The following DOCK8 variants were observed in gnomAD, a reference collection of about 807,000 sequenced individuals.
DOCK8 encodes dedicator of cytokinesis 8, also known as dedicator of cytokinesis protein 8.
DOCK8 carries 141 observed loss-of-function variants against 245.6 expected under a neutral mutation model. The observed-to-expected ratio is 0.57, with a 90% CI of 0.50 to 0.66. The LOEUF (loss-of-function observed/expected upper bound fraction) is 0.66, where lower values mean the gene tolerates loss of function less well. DOCK8 is among the 30% of genes least tolerant of loss of function. The pLI is 0.00. For synonymous variants in DOCK8, 1,168 were observed against 970.2 expected (o/e 1.20, Z -3.79); for missense variants, 2,965 against 2,603.4 (o/e 1.14, Z -3.02).
chr9:274,365 C>A (rs1006530505), intron 2 of DOCK8, among the ~76,000 whole-genome samples: 14 of 152,106 alleles, frequency 9.2e-5, no homozygotes, highest in Admixed American at 9.2e-4. Flanking sequence ...CTTTACTTTT[C>A]TGAATCTCTT....
At chr9:424,793 C>G (rs2056420052) in intron 33 of DOCK8, among the ~76,000 whole-genome samples, 1 of 152,170 alleles carries the variant, frequency 6.6e-6, no homozygotes, top group Non-Finnish European at 1.5e-5. Context: ...GAACTGTATA[C>G]TTACAAATGG....
At chr9:230,532 T>C (rs1451344528) in intron 1 of DOCK8, among the ~76,000 whole-genome samples, 2 of 152,082 alleles carry the variant, frequency 1.3e-5, no homozygotes, top group Non-Finnish European at 2.9e-5. Flanking sequence ...GTAAAAGTGT[T>C]CCTATTTCTC....
chr9:364,663 T>G (rs2052890556), intron 14 of DOCK8, among the ~76,000 whole-genome samples: 1 of 145,586 alleles, frequency 6.9e-6, no homozygotes, highest in African/African-American at 2.8e-5. Flanking sequence ...AAAAAAAGGT[T>G]TAATGTGTAG....
At chr9:343,080 G>A (rs543627526) in intron 14 of DOCK8, among the ~76,000 whole-genome samples, 4 of 152,248 alleles carry the variant, frequency 2.6e-5, no homozygotes, top group East Asian at 1.9e-4. Flanking sequence ...CCAGTATGAC[G>A]TATGTGGGAC....
intron 23 of DOCK8, among the ~76,000 whole-genome samples, chr9:390,037 G>C (rs2054119134): frequency 1.3e-5 from 2 of 151,454 alleles, no homozygotes; most frequent in African/African-American, 2.4e-5. Context: ...AAAAAAGTTT[G>C]AGAACTGCTG....
chr9:338,295 T>C (rs1586738018), intron 12 of DOCK8, among the ~76,000 whole-genome samples: 1 of 152,338 alleles, frequency 6.6e-6, no homozygotes, highest in African/African-American at 2.4e-5. Flanking sequence ...TTAAAGGGGT[T>C]ACATTAACAA....
intron 1 of DOCK8, among the ~76,000 whole-genome samples, chr9:221,560 C>T (rs2046882361): frequency 2.6e-5 from 4 of 151,232 alleles, no homozygotes; most frequent in Admixed American, 6.6e-5. Context: ...GCCTGTAATC[C>T]CAGCACTTTT....
chr9:359,409 C>A (rs541513473), intron 14 of DOCK8, among the ~76,000 whole-genome samples: 1 of 152,262 alleles, frequency 6.6e-6, no homozygotes, highest in African/African-American at 2.4e-5. Context: ...ATAGTAGTAC[C>A]TGTCATAGAT....
intron 12 of DOCK8, 102 bp from the exon 13 acceptor site, chr9:338,904 G>A (rs911618818): frequency 1.1e-6 from 1 of 902,958 alleles, no homozygotes; most frequent in African/African-American, 1.6e-5. Flanking sequence ...TGAAAGACTT[G>A]TGAGAATAAA....
chr9:453,410 A>T (rs2131897579), intron 46 of DOCK8, among the ~76,000 whole-genome samples: 2 of 152,214 alleles, frequency 1.3e-5, no homozygotes, highest in Admixed American at 1.3e-4. Context: ...CTAGAAAAAT[A>T]TTTGGGGAAT....
At chr9:251,684 C>T (rs2047649821) in intron 1 of DOCK8, among the ~76,000 whole-genome samples, 1 of 152,126 alleles carries the variant, frequency 6.6e-6, no homozygotes, top group Non-Finnish European at 1.5e-5. Flanking sequence ...TTCTTGGCTT[C>T]AGTTTCCAAA....
chr9:435,636 T>C (rs1029472827), intron 39 of DOCK8, among the ~76,000 whole-genome samples: 2 of 152,166 alleles, frequency 1.3e-5, no homozygotes, highest in Non-Finnish European at 2.9e-5. Flanking sequence ...AAGAATCAAA[T>C]TGACCTGAGA....
chr9:432,734 GA>G (rs1489960169), intron 37 of DOCK8, among the ~76,000 whole-genome samples: 1 of 152,192 alleles, frequency 6.6e-6, no homozygotes, highest in African/African-American at 2.4e-5. Context: ...CTAGGCAGGG[GA>G]AAAGTGAGGG....
chr9:371,290 C>A, intron 16 of DOCK8, 138 bp from the exon 17 acceptor site: 1 of 973,022 alleles, frequency 1.0e-6, no homozygotes, highest in South Asian at 1.4e-5. Context: ...GGACTTCCAG[C>A]TTCAGAGCAG....
At chr9:406,823 G>T in intron 27 of DOCK8, 107 bp from the exon 28 acceptor site, 1 of 1,437,238 alleles carries the variant, frequency 7.0e-7, no homozygotes. Flanking sequence ...ACCTCACTGG[G>T]GAGGGCTCAC....
intron 1 of DOCK8, among the ~76,000 whole-genome samples, chr9:246,165 C>T (rs532662062): frequency 6.6e-6 from 1 of 151,764 alleles, no homozygotes; most frequent in Non-Finnish European, 1.5e-5. Flanking sequence ...CTTGCAGTGA[C>T]CTGAGACTGT....
In DOCK8 at chr9:452,134, C is replaced by G; in HGVS notation, c.6068+17C>G. 6.5e-7 allele frequency: 1 copy of G among 1,543,480 alleles called. No homozygotes were observed. Among genetic ancestry groups the G allele is most frequent in the Non-Finnish European group, 8.9e-7 (1 of 1,117,494 alleles). ...CATCATGAGGTAAGAAGGAAAATGG[C>G]TGGGAATTTCAGTAGAGCAGTGGTT... On this transcript the variant is annotated intron_variant, in intron 46 of 47. Coordinates refer to ENST00000432829, the MANE Select transcript of DOCK8 (RefSeq NM_203447.4).
chr9:279,724 C>T (rs1215861793), intron 2 of DOCK8, among the ~76,000 whole-genome samples: 1 of 152,234 alleles, frequency 6.6e-6, no homozygotes. Context: ...CAAGGCTTGT[C>T]TGTTGTGAAC....
intron 1 of DOCK8, among the ~76,000 whole-genome samples, chr9:243,344 T>G (rs1374942145): frequency 6.6e-6 from 1 of 152,200 alleles, no homozygotes; most frequent in Non-Finnish European, 1.5e-5. Flanking sequence ...TGAATCGCAC[T>G]GCAAACAGAA....
Sources: allele counts gnomAD v4.1 joint callset (sites outside exome capture counted in the v4.1 genomes callset), GRCh38; gene constraint gnomAD v4.1.1; transcripts MANE v1.5; gene names NCBI Gene and HGNC (gene_info 2026-07-23, HGNC 2026-07-21).